Variants in CADM2 observed in about 807,000 individuals in gnomAD.
CADM2 encodes the protein immunoglobulin superfamily member 4D.
A neutral mutation model predicts 49.8 loss-of-function variants in CADM2; 12 were observed. The ratio of observed to expected loss-of-function variants is 0.24; its 90% CI spans 0.15 to 0.39. The LOEUF (loss-of-function observed/expected upper bound fraction) is 0.39. Ranked by LOEUF, CADM2 falls within the 10% of genes least tolerant of loss-of-function variation. The pLI is 1.00. For synonymous variants in CADM2, 214 were observed against 175.4 expected (o/e 1.22, Z -1.74); for missense variants, 378 against 492.3 (o/e 0.77, Z 2.20).
intron 4 of CADM2, 117 bp from the exon 5 acceptor site, chr3:85,886,073 T>A: frequency 6.9e-7 from 1 of 1,457,426 alleles, no homozygotes; most frequent in Non-Finnish European, 9.2e-7. Flanking sequence ...TTGTTCATCT[T>A]GATCGAACTT....
chr3:85,563,413 G>GGGGA (rs1417786295), intron 1 of CADM2, among the ~76,000 whole-genome samples: 1 of 146,964 alleles, frequency 6.8e-6, no homozygotes, highest in Admixed American at 6.8e-5. Flanking sequence ...TGTGTGTGTG[G>GGGGA]GGGGGTGGTA....
chr3:85,959,066 A>C (rs201113961), intron 7 of CADM2, among the ~76,000 whole-genome samples: 2 of 106,608 alleles, frequency 1.9e-5, no homozygotes, highest in African/African-American at 1.2e-4. Flanking sequence ...ATCTATATCT[A>C]TATATCTATA....
At chr3:85,426,496 T>C (rs896032079) in intron 1 of CADM2, among the ~76,000 whole-genome samples, 1 of 152,064 alleles carries the variant, frequency 6.6e-6, no homozygotes, top group African/African-American at 2.4e-5. Flanking sequence ...AAAATAACTT[T>C]TGTGGGTACA....
At chr3:85,296,242 G>A (rs2043960815) in intron 1 of CADM2, among the ~76,000 whole-genome samples, 1 of 151,872 alleles carries the variant, frequency 6.6e-6, no homozygotes, top group Admixed American at 6.6e-5. Context: ...GAGTTCATGA[G>A]GTATAAAGTA....
chr3:85,056,415 G>A (rs1253360754), intron 1 of CADM2, among the ~76,000 whole-genome samples: 1 of 151,974 alleles, frequency 6.6e-6, no homozygotes, highest in African/African-American at 2.4e-5. Context: ...TGTATCTAAT[G>A]TTTTCAATTA....
chr3:85,838,373 T>C (rs970096517), intron 3 of CADM2, among the ~76,000 whole-genome samples: 14 of 151,836 alleles, frequency 9.2e-5, no homozygotes, highest in African/African-American at 3.4e-4. Context: ...AGAGCATTAA[T>C]CACTGATGGC....
At chr3:85,310,872 A>G (rs2044325027) in intron 1 of CADM2, among the ~76,000 whole-genome samples, 1 of 152,178 alleles carries the variant, frequency 6.6e-6, no homozygotes. Flanking sequence ...CTATTAGTTT[A>G]TAAAAATATA....
At position 85,144,073 on chromosome 3, in the gene CADM2, T is replaced by C. The variant is rs72907138; in HGVS notation, c.61+184405T>C. On this transcript the variant is annotated intron_variant, in intron 1 of 9. Transcript: ENST00000383699. ...ACTGTTTGTTCCTTAGATATTCTCTTTCCCATTTGGATTTCTACTGCACCA... is the reference window on the plus strand; with the variant it reads ...ACTGTTTGTTCCTTAGATATTCTCTCTCCCATTTGGATTTCTACTGCACCA... 6.4e-3 allele frequency among the ~76,000 whole-genome samples: 976 copies of C among 152,228 alleles called. 15 individuals carry two copies. Among genetic ancestry groups the C allele is most frequent in the African/African-American group, 0.022 (907 of 41,540 alleles).
intron 1 of CADM2, among the ~76,000 whole-genome samples, chr3:85,582,442 A>G (rs1180713639): frequency 6.6e-6 from 1 of 152,184 alleles, no homozygotes; most frequent in Non-Finnish European, 1.5e-5. Flanking sequence ...GAAGTAGTAT[A>G]TGAGTACTGT....
chr3:85,188,208 C>G lies in CADM2; in HGVS notation c.61+228540C>G, dbSNP rs374340477. Among the ~76,000 whole-genome samples the G allele has an allele frequency of 5.3e-5, 8 of 152,026 alleles. No individual in the cohort carries two copies. The East Asian group carries it at 1.3e-3, about 26-fold the overall frequency. ...TGATTTTAAAATGTTTTCAGCATAA[C>G]TTTTATATGCTGTCATATTTTGACA... On this transcript the variant is annotated intron_variant, in intron 1 of 9. Transcript: ENST00000383699.
intron 1 of CADM2, among the ~76,000 whole-genome samples, chr3:85,009,865 C>CAATAAATAAATAAATA (rs34806351): frequency 7.8e-5 from 11 of 140,676 alleles, no homozygotes; most frequent in Non-Finnish European, 1.4e-4. Flanking sequence ...GATTCTATCT[C>CAATAAATAAATAAATA]AATAAATAAA....
At chr3:85,540,520 A>G (rs1313490954) in intron 1 of CADM2, among the ~76,000 whole-genome samples, 3 of 152,140 alleles carry the variant, frequency 2.0e-5, no homozygotes, top group Admixed American at 1.3e-4. Flanking sequence ...CACAACTTTC[A>G]TGCCAGTGGA....
At chr3:85,689,268 A>T (rs2066310233) in intron 1 of CADM2, among the ~76,000 whole-genome samples, 1 of 152,156 alleles carries the variant, frequency 6.6e-6, no homozygotes, top group Non-Finnish European at 1.5e-5. Flanking sequence ...GGGTAGGGAG[A>T]GGCAGGGAGG....
chr3:85,254,672 GA>G (rs1290586544), intron 1 of CADM2, among the ~76,000 whole-genome samples: 1 of 152,094 alleles, frequency 6.6e-6, no homozygotes, highest in African/African-American at 2.4e-5. Context: ...AGGGTGTGAT[GA>G]GACCAGAGTA....
intron 1 of CADM2, among the ~76,000 whole-genome samples, chr3:85,424,725 G>A (rs1010063314): frequency 3.9e-5 from 6 of 152,078 alleles, no homozygotes; most frequent in Non-Finnish European, 5.9e-5. Flanking sequence ...TTTTTTCTAC[G>A]CCTACTTAAA....
At chr3:84,970,203 A>G (rs184183555) in intron 1 of CADM2, among the ~76,000 whole-genome samples, 64 of 151,158 alleles carry the variant, frequency 4.2e-4, no homozygotes, top group East Asian at 1.9e-4. Flanking sequence ...ATGTTAGTCT[A>G]TTTGTGTTTT....
intron 1 of CADM2, among the ~76,000 whole-genome samples, chr3:85,287,254 C>T (rs1010798110): frequency 6.6e-5 from 10 of 151,706 alleles, no homozygotes; most frequent in African/African-American, 2.4e-4. Flanking sequence ...CTATAAACTA[C>T]TGGAGCAATA....
rs142144366 is a variant in CADM2, at chr3:85,855,621, CATATAT to C, written c.239-27655_239-27650del. 1.1e-4 allele frequency among the ~76,000 whole-genome samples: 6 copies of C among 54,010 alleles called. No homozygotes were observed. In the South Asian group the frequency reaches 2.3e-3, roughly 20 times the overall value. 35.4% of individuals were successfully genotyped at this position (54,010 alleles called of 152,430 possible). On this transcript the variant is annotated intron_variant, in intron 3 of 9. Coordinates refer to ENST00000383699, the MANE Select transcript of CADM2 (RefSeq NM_001167675.2). ...ATAAAACATATATATATATATAAAA[CATATAT>C]ATATATATATATATTTTGAGACGGA... is the stretch of plus-strand genomic sequence containing the variant.
chr3:85,740,553 C>CT (rs11425226), intron 2 of CADM2, among the ~76,000 whole-genome samples: 23,822 of 152,052 alleles, frequency 0.16, 2,354 homozygotes, highest in Non-Finnish European at 0.21. Context: ...TATTCTCCCT[C>CT]TTTTTTTGCT....
Sources: gnomAD v4.1 joint callset for allele counts (sites outside exome capture counted in the v4.1 genomes callset) on GRCh38, gnomAD v4.1.1 for gene constraint, MANE v1.5 for transcripts, NCBI Gene and HGNC (gene_info 2026-07-23, HGNC 2026-07-21) for gene names.